Variants in ANO1 observed in about 807,000 individuals in gnomAD.
ANO1 encodes the protein anoctamin 1.
Under a neutral mutation model 124.0 loss-of-function variants are expected in ANO1, and 59 were observed. That is an observed-to-expected ratio of 0.48 (90% CI 0.39 to 0.59). The LOEUF (loss-of-function observed/expected upper bound fraction) is 0.59, where lower values mean the gene tolerates loss of function less well. Ranked by LOEUF, ANO1 falls within the 20% of genes least tolerant of loss-of-function variation. The probability of loss-of-function intolerance (pLI) is 0.00; values close to 1 mark genes in which losing one functional copy is unlikely to be tolerated. For missense variants in ANO1, 1,059 were observed against 1,328.0 expected (o/e 0.80, Z 3.15); for synonymous variants, 529 against 532.0 (o/e 0.99, Z 0.08).
chr11:70,161,276 C>G lies in ANO1; in HGVS notation c.1694C>G (p.Thr565Arg), dbSNP rs773844992. The G allele has an allele frequency of 6.2e-7, 1 of 1,613,938 alleles. No individual in the cohort carries two copies. The highest frequency in any genetic ancestry group is 1.1e-5 in the South Asian group (1 of 91,082). Reference protein sequence around the residue: ...SVRSNIRVTVTATAVIINLVV... With the variant: ...SVRSNIRVTVRATAVIINLVV... ...CGGTCCAACATCCGGGTCACAGTCA[C>G]AGCCACCGCAGTCATCATCAACCTA... The change falls in exon 17 of 26, where the codon ACA (threonine) becomes AGA (arginine). Residue 565 changes from threonine (T) to arginine (R), a missense_variant. Physicochemically the swap from Thr to Arg is moderately conservative, Grantham distance 71 (BLOSUM62 -1). Transcript: ENST00000355303.
At chr11:70,176,683 C>T (rs1007019547) in intron 22 of ANO1, among the ~76,000 whole-genome samples, 1 of 152,068 alleles carries the variant, frequency 6.6e-6, no homozygotes, top group Non-Finnish European at 1.5e-5. Flanking sequence ...GAGGCCTGTC[C>T]GACCCTCCTC....
upstream of ANO1, among the ~76,000 whole-genome samples, chr11:70,073,820 GA>G (rs369837901): frequency 1.1e-4 from 16 of 151,338 alleles, no homozygotes; most frequent in African/African-American, 3.1e-4. Context: ...TCTGTTGGAG[GA>G]AAAAAAAATC....
chr11:69,970,085 G>C, the ANO1 span, among the ~76,000 whole-genome samples: 2 of 152,196 alleles, frequency 1.3e-5, no homozygotes, highest in Non-Finnish European at 2.9e-5. Context: ...CAGGGGTGAG[G>C]GTGACGTGTT....
chr11:69,996,314 T>G (rs1343706048), intron 1 of ANO1, among the ~76,000 whole-genome samples: 4 of 152,160 alleles, frequency 2.6e-5, no homozygotes, highest in African/African-American at 9.7e-5. Context: ...GAGTTATCAA[T>G]TAAACAATAG....
At chr11:70,077,649 C>T (rs1323716905), upstream of ANO1, among the ~76,000 whole-genome samples, 1 of 152,206 alleles carries the variant, frequency 6.6e-6, no homozygotes. Flanking sequence ...GGAGCCCCGC[C>T]CCACCTCAGA....
chr11:70,034,155 T>C (rs1857055002), intron 1 of ANO1, among the ~76,000 whole-genome samples: 1 of 152,050 alleles, frequency 6.6e-6, no homozygotes, highest in Admixed American at 6.5e-5. Context: ...ATATGAACCA[T>C]AAAGCCTAAA....
chr11:70,142,000 C>T (rs2047172671), intron 11 of ANO1, among the ~76,000 whole-genome samples: 1 of 152,188 alleles, frequency 6.6e-6, no homozygotes, highest in African/African-American at 2.4e-5. Flanking sequence ...TCCACTGCAC[C>T]GTGGGGTCCA....
chr11:69,978,834 T>G, the ANO1 span, among the ~76,000 whole-genome samples: 1 of 152,182 alleles, frequency 6.6e-6, no homozygotes, highest in Non-Finnish European at 1.5e-5. Flanking sequence ...AGAAAGCACT[T>G]TCTATATGAA....
At chr11:69,973,184 C>T in the ANO1 span, among the ~76,000 whole-genome samples, 2 of 152,172 alleles carry the variant, frequency 1.3e-5, no homozygotes, top group South Asian at 2.1e-4. Context: ...GCTGGGATTA[C>T]AGGCGTGAGC....
intron 1 of ANO1, among the ~76,000 whole-genome samples, chr11:70,084,076 G>A (rs906070600): frequency 6.6e-6 from 1 of 152,116 alleles, no homozygotes; most frequent in African/African-American, 2.4e-5. Context: ...CCTGGGGGAG[G>A]GGGAGAGGAG....
chr11:69,989,119 T>A (rs782226631), intron 1 of ANO1, among the ~76,000 whole-genome samples: 6 of 152,026 alleles, frequency 3.9e-5, no homozygotes, highest in Non-Finnish European at 8.8e-5. Flanking sequence ...CAATCCCCAC[T>A]CACTGTATGA....
At chr11:69,993,014 T>C (rs1856185263) in intron 1 of ANO1, among the ~76,000 whole-genome samples, 1 of 152,210 alleles carries the variant, frequency 6.6e-6, no homozygotes, top group Admixed American at 6.5e-5. Flanking sequence ...TCCTTTCTCA[T>C]GGCAGCTCAT....
intron 1 of ANO1, among the ~76,000 whole-genome samples, chr11:70,082,762 G>T (rs1417178732): frequency 6.6e-6 from 1 of 152,098 alleles, no homozygotes. Flanking sequence ...ACACAAGAAA[G>T]GCACCCACTC....
intron 1 of ANO1, among the ~76,000 whole-genome samples, chr11:70,003,565 G>A (rs930664106): frequency 4.0e-5 from 6 of 149,572 alleles, no homozygotes; most frequent in African/African-American, 1.5e-4. Flanking sequence ...CACAGAGCTG[G>A]GGCTTAATAA....
intron 2 of ANO1, among the ~76,000 whole-genome samples, chr11:70,092,255 G>T (rs1216734713): frequency 1.3e-5 from 2 of 148,760 alleles, no homozygotes; most frequent in Non-Finnish European, 3.0e-5. Context: ...ATCTTAACTC[G>T]GTTACATCTG....
At chr11:70,142,145 T>C (rs538998819) in intron 11 of ANO1, among the ~76,000 whole-genome samples, 7 of 152,312 alleles carry the variant, frequency 4.6e-5, no homozygotes, top group African/African-American at 1.7e-4. Flanking sequence ...CTTGGATCCA[T>C]TTTCTGAAAT....
chr11:70,177,583 C>CTTTTTTTTTCT (rs2048756972), intron 22 of ANO1, among the ~76,000 whole-genome samples: 1 of 126,510 alleles, frequency 7.9e-6, no homozygotes, highest in African/African-American at 2.9e-5. Context: ...TTTTTCTTTT[C>CTTTTTTTTTCT]TTTTTTTTTT....
Position 70,078,560 on chromosome 11 carries a change from A to T in ANO1, c.-47A>T. The T allele has an allele frequency of 1.5e-6, 2 of 1,344,904 alleles. No individual in the cohort carries two copies. The highest frequency in any genetic ancestry group is 2.0e-6 in the Non-Finnish European group (2 of 1,013,812). The allele number at this position is 1,344,904 out of a possible 1,614,324, so 83.3% of individuals were successfully genotyped here. On this transcript the variant is annotated 5_prime_UTR_variant, in exon 1 of 26. An upstream start codon of the reference 5' UTR is lost. Coordinates refer to ENST00000355303, the MANE Select transcript of ANO1 (RefSeq NM_018043.7). ...CCCGCAGAGGCCGCCGGGGCCGTGGATGGGGAGGGCGCGCCGCCCGGCGGT... is the reference window on the plus strand; with the variant it reads ...CCCGCAGAGGCCGCCGGGGCCGTGGTTGGGGAGGGCGCGCCGCCCGGCGGT...
intron 1 of ANO1, among the ~76,000 whole-genome samples, chr11:70,062,063 CTTTCTTTTTTTTT>C (rs1176420811): frequency 2.6e-5 from 2 of 76,700 alleles, no homozygotes; most frequent in Admixed American, 1.4e-4. Context: ...CTCTTTCCTT[CTTTCTTTTTTTTT>C]TTTTTTTTTT....
Sources: allele counts gnomAD v4.1 joint callset (sites outside exome capture counted in the v4.1 genomes callset), GRCh38; gene constraint gnomAD v4.1.1; transcripts MANE v1.5; gene names NCBI Gene and HGNC (gene_info 2026-07-23, HGNC 2026-07-21).